The following TRIM14 variants were observed in gnomAD, a reference collection of about 807,000 sequenced individuals.
TRIM14 encodes tripartite motif-containing protein 14.
A neutral mutation model predicts 44.5 loss-of-function variants in TRIM14; 28 were observed. The ratio of observed to expected loss-of-function variants is 0.63; its 90% CI spans 0.47 to 0.86. The LOEUF is 0.86. Among genes scored for constraint, TRIM14 ranks in the 40% least tolerant of loss-of-function variants. The pLI, the probability that TRIM14 is intolerant of heterozygous loss-of-function variation, is 0.00. For missense variants in TRIM14, 607 were observed against 611.1 expected (o/e 0.99, Z 0.07); for synonymous variants, 299 against 269.2 (o/e 1.11, Z -1.08).
At chr9:98,063,592 A>C in the TRIM14 span, among the ~76,000 whole-genome samples, 1 of 150,746 alleles carries the variant, frequency 6.6e-6, no homozygotes, top group African/African-American at 2.4e-5. Context: ...CCCATGCTGG[A>C]GTGCAACGAT....
intron 6 of TRIM14, chr9:98,077,039 T>A: frequency 6.4e-7 from 1 of 1,569,974 alleles, no homozygotes; most frequent in Non-Finnish European, 8.7e-7. Context: ...ATTTTTGACT[T>A]AAAATCGAAG....
At chr9:98,062,777 GTT>G in the TRIM14 span, among the ~76,000 whole-genome samples, 1,078 of 109,280 alleles carry the variant, frequency 9.9e-3, 8 homozygotes, top group African/African-American at 0.034. Flanking sequence ...AGTTATTTCA[GTT>G]TTTTTTTTTT....
At chr9:98,106,319 A>G (rs1311148041) in intron 2 of TRIM14, among the ~76,000 whole-genome samples, 1 of 152,260 alleles carries the variant, frequency 6.6e-6, no homozygotes, top group Non-Finnish European at 1.5e-5. Flanking sequence ...CTGAAGTGGC[A>G]GGATGCAGGA....
rs766418352 is a variant in TRIM14 at position 98,119,101 on chromosome 9, G to A, written c.88C>T (p.Arg30Cys). 6.3e-7 allele frequency: 1 copy of A among 1,587,046 alleles called. No individual in the cohort carries two copies. Among genetic ancestry groups the A allele is most frequent in the African/African-American group, 1.4e-5 (1 of 72,846 alleles). The change falls in exon 1 of 6, where the codon CGC becomes TGC. Residue 30 changes from arginine to cysteine, a missense_variant. Physicochemically the swap from Arg to Cys is radical, Grantham distance 180. Coordinates refer to ENST00000341469, the MANE Select transcript of TRIM14 (RefSeq NM_014788.4). ...CGWRCPEHGD[R>C]VAELFCRRCR... ...CGGCGACAGAAGAGCTCAGCCACGC[G>A]GTCGCCATGCTCCGGGCAGCGCCAG...
rs147057316 is a variant in TRIM14 at position 98,116,951 on chromosome 9, G to T, written c.207+2031C>A. The stretch of plus-strand genomic sequence containing the variant: ...TAAAACTTACTTTGCAAGTAAATTT[G>T]TCCTATCAAGACTCATTTTTGGTAA... On this transcript the variant is annotated intron_variant, in intron 1 of 5. Coordinates refer to ENST00000341469, the MANE Select transcript of TRIM14 (RefSeq NM_014788.4). 4.3e-3 allele frequency among the ~76,000 whole-genome samples: 654 copies of T among 151,824 alleles called. 2 individuals carry two copies. Among genetic ancestry groups the T allele is most frequent in the African/African-American group, 0.015 (616 of 41,380 alleles).
At chr9:98,060,171 C>T in the TRIM14 span, among the ~76,000 whole-genome samples, 2 of 151,950 alleles carry the variant, frequency 1.3e-5, no homozygotes, top group African/African-American at 4.8e-5. Context: ...TTCCTTAACT[C>T]TTTGATCCAA....
chr9:98,060,906 G>A, the TRIM14 span: 16 of 1,614,052 alleles, frequency 9.9e-6, no homozygotes, highest in African/African-American at 2.7e-5. Flanking sequence ...GAGCACAAAC[G>A]ACATCTGGAG....
At chr9:98,045,785 G>T in the TRIM14 span, among the ~76,000 whole-genome samples, 239 of 152,282 alleles carry the variant, frequency 1.6e-3, no homozygotes, top group Admixed American at 4.3e-3. Context: ...ATCAAGCAAG[G>T]TACCTGCAGG....
At chr9:98,100,337 C>G (rs753574674) in intron 2 of TRIM14, among the ~76,000 whole-genome samples, 173 bp from the exon 3 acceptor site, 2 of 152,004 alleles carry the variant, frequency 1.3e-5, no homozygotes, top group African/African-American at 4.8e-5. Flanking sequence ...CATCACCGAT[C>G]GTAAAATGCA....
At chr9:98,043,595 CAT>C in the TRIM14 span, among the ~76,000 whole-genome samples, 64 of 151,458 alleles carry the variant, frequency 4.2e-4, no homozygotes, top group African/African-American at 1.5e-3. Context: ...GCCAGTTAAA[CAT>C]AAAATTATAG....
At chr9:98,040,060 T>C in the TRIM14 span, among the ~76,000 whole-genome samples, 2 of 152,100 alleles carry the variant, frequency 1.3e-5, no homozygotes, top group African/African-American at 4.8e-5. Flanking sequence ...CCTAGGCTGC[T>C]CTTGAACTCC....
intron 5 of TRIM14, among the ~76,000 whole-genome samples, chr9:98,090,593 C>G (rs912018242): frequency 3.5e-4 from 43 of 123,148 alleles, no homozygotes; most frequent in Admixed American, 2.0e-3. Context: ...AAGACGGAGT[C>G]TTGCTCTGTT....
chr9:98,110,115 C>T, intron 1 of TRIM14, 131 bp from the exon 2 acceptor site: 1 of 690,516 alleles, frequency 1.4e-6, no homozygotes. Context: ...AGGTAACTTG[C>T]CCAAAGTCAT....
At chr9:98,105,595 A>G (rs1208943976) in intron 2 of TRIM14, among the ~76,000 whole-genome samples, 1 of 152,124 alleles carries the variant, frequency 6.6e-6, no homozygotes, top group Non-Finnish European at 1.5e-5. Flanking sequence ...CAAACAAACA[A>G]ACAAAAAAAC....
downstream of TRIM14, among the ~76,000 whole-genome samples, chr9:98,067,337 C>T (rs377432515): frequency 1.9e-3 from 297 of 152,322 alleles, no homozygotes; most frequent in African/African-American, 6.9e-3. Context: ...TGCCAGACTG[C>T]TTGCCAAAAT....
intron 5 of TRIM14, 122 bp downstream of exon 5, chr9:98,091,782 TTAAAA>T (rs1440836121): frequency 1.4e-5 from 5 of 346,202 alleles, no homozygotes; most frequent in South Asian, 1.9e-4. Flanking sequence ...AAACAAGTTC[TTAAAA>T]TAAATAAATA....
chr9:98,055,933 T>G, the TRIM14 span, among the ~76,000 whole-genome samples: 9 of 151,816 alleles, frequency 5.9e-5, no homozygotes, highest in East Asian at 1.2e-3. Context: ...AGAGACGGGG[T>G]TTCTCCATAT....
Position 98,091,927 on chromosome 9 carries a change from G to A in TRIM14, c.775C>T (p.Arg259Ter). 1.2e-6 allele frequency: 2 copies of A among 1,605,086 alleles called. No individual in the cohort carries two copies. Among genetic ancestry groups the A allele is most frequent in the Non-Finnish European group, 1.7e-6 (2 of 1,174,032 alleles). The change falls in exon 5 of 6, where the codon CGA (arginine) becomes TGA (stop). Residue 259 changes from arginine (R) to a stop codon, truncating the protein, a stop_gained. Coordinates refer to ENST00000341469, the MANE Select transcript of TRIM14 (RefSeq NM_014788.4). LOFTEE classifies it high-confidence loss of function. ...GTCTTACATTTCAGCAATAGCGATCGCTCTGGTGAGGGGCTGGTTTTCAAC... is the reference window on the plus strand; with the variant it reads ...GTCTTACATTTCAGCAATAGCGATCACTCTGGTGAGGGGCTGGTTTTCAAC... ...TLLKTSPSPE[R>*]SLLLKYARTP...
the TRIM14 span, among the ~76,000 whole-genome samples, chr9:98,042,548 C>T: frequency 6.6e-6 from 1 of 151,966 alleles, no homozygotes. Context: ...GTTATTTTAC[C>T]TATAATGTTA....
Sources: gnomAD v4.1 joint callset for allele counts (sites outside exome capture counted in the v4.1 genomes callset) on GRCh38, gnomAD v4.1.1 for gene constraint, MANE v1.5 for transcripts, NCBI Gene and HGNC (gene_info 2026-07-23, HGNC 2026-07-21) for gene names.